CDK2AP1: variants seen among roughly 807,000 people sequenced by gnomAD.
The protein encoded by CDK2AP1 is cyclin dependent kinase 2 associated protein 1, also known as cyclin-dependent kinase 2-associated protein 1.
Under a neutral mutation model 14.1 loss-of-function variants are expected in CDK2AP1, and 10 were observed. The ratio of observed to expected loss-of-function variants is 0.71; its 90% CI spans 0.44 to 1.20. The LOEUF (loss-of-function observed/expected upper bound fraction) is 1.20, where lower values mean the gene tolerates loss of function less well. Among genes scored for constraint, CDK2AP1 ranks in the 50% most tolerant of loss-of-function variants. The probability of loss-of-function intolerance (pLI) is 0.00; values close to 1 mark genes in which losing one functional copy is unlikely to be tolerated. For synonymous variants in CDK2AP1, 59 were observed against 59.8 expected (o/e 0.99, Z 0.06); for missense variants, 102 against 149.9 (o/e 0.68, Z 1.67).
At chr12:123,271,492 C>T (rs1336556657) in intron 1 of CDK2AP1, 72 bp downstream of exon 1, 3 of 897,596 alleles carry the variant, frequency 3.3e-6, no homozygotes, top group Non-Finnish European at 4.0e-6. Flanking sequence ...CCCGGGCATC[C>T]CCGGGCCGGG....
Position 123,271,604 on chromosome 12 carries a change from C to G in CDK2AP1, c.15G>C (p.Pro5=). The G allele has an allele frequency of 9.9e-7, 1 of 1,005,074 alleles. No individual in the cohort carries two copies. The highest frequency in any genetic ancestry group is 1.2e-6 in the Non-Finnish European group (1 of 843,474). 62.3% of individuals were successfully genotyped at this position (1,005,074 alleles called of 1,614,324 possible). MSYK[P]NLAAHMPAAA... ...CGGCGGGCATGTGCGCGGCCAAGTT[C>G]GGTTTGTAAGACATCCCCCCGGGCG... Residue 5 remains proline, a synonymous_variant, in exon 1 of 4, where the codon CCG becomes CCC. Coordinates refer to ENST00000261692, the MANE Select transcript of CDK2AP1 (RefSeq NM_004642.4).
intron 3 of CDK2AP1, 27 bp from the exon 4 acceptor site, chr12:123,261,830 C>T (rs753643338): frequency 6.5e-7 from 1 of 1,528,582 alleles, no homozygotes; most frequent in Non-Finnish European, 9.1e-7. Flanking sequence ...GACCTGAGGT[C>T]AGCAAGTGCA....
chr12:123,271,891 G>A (rs2048357740), upstream of CDK2AP1: 1 of 146,382 alleles, frequency 6.8e-6, no homozygotes. Flanking sequence ...GGCCGGGAGG[G>A]GGCGGCCCGG....
chr12:123,263,249 G>C (rs2048252825), intron 3 of CDK2AP1, among the ~76,000 whole-genome samples: 1 of 151,048 alleles, frequency 6.6e-6, no homozygotes, highest in African/African-American at 2.4e-5. Flanking sequence ...ACTATTCTTG[G>C]CTCCTGGCTC....
At chr12:123,270,170 G>A in intron 1 of CDK2AP1, 1 of 976,724 alleles carries the variant, frequency 1.0e-6, no homozygotes, top group Non-Finnish European at 1.2e-6. Context: ...GCTGCTGGCA[G>A]TCCTACCTGG....
rs1436226579 is a variant in CDK2AP1, at chr12:123,265,764, A to G, written c.154-442T>C. 6.6e-6 allele frequency among the ~76,000 whole-genome samples: 1 copy of G among 152,140 alleles called. No individual in the cohort carries two copies. The highest frequency in any genetic ancestry group is 6.5e-5 in the Admixed American group (1 of 15,274). ...GCAACTTTATTATCTCCAATGAACA[A>G]AACAGGGGAAACAGCTCATTTTGGC... On this transcript the variant is annotated intron_variant, in intron 2 of 3. Coordinates refer to ENST00000261692, the MANE Select transcript of CDK2AP1 (RefSeq NM_004642.4). This position sits in a 1 kb window ranked among gnomAD's most constrained non-coding sequence, Gnocchi z 5.3.
chr12:123,262,356 C>A (rs917475601), intron 3 of CDK2AP1: 2 of 152,106 alleles, frequency 1.3e-5, no homozygotes, highest in African/African-American at 2.4e-5. Context: ...CCTTTTTTTT[C>A]TTTCTGCCTC....
Position 123,265,312 on chromosome 12 carries a change from T to A in CDK2AP1, c.164A>T (p.Asn55Ile), listed in dbSNP as rs2048278601. ...PSLGYTQGTG[N>I]SQVPQSKYAE... The stretch of plus-strand genomic sequence containing the variant: ...GTATTTGCTTTGGGGCACCTGGCTG[T>A]TCCCAGTTCCCTAGAATCAGAAAGA... The change falls in exon 3 of 4, where the codon AAC becomes ATC. Residue 55 changes from asparagine (N) to isoleucine (I), a missense_variant. Physicochemically the swap from Asn to Ile is moderately radical, Grantham distance 149 (BLOSUM62 -3). Transcript: ENST00000261692. The surrounding 1 kb of genome is among the most constrained non-coding windows in gnomAD (Gnocchi z 5.3). 1 of 1,614,090 alleles carries A rather than the reference T, an allele frequency of 6.2e-7. No homozygotes were observed. The highest frequency in any genetic ancestry group is 8.5e-7 in the Non-Finnish European group (1 of 1,180,010).
intron 1 of CDK2AP1, chr12:123,268,146 A>T (rs2069802073): frequency 1.0e-6 from 1 of 968,678 alleles, no homozygotes; most frequent in Non-Finnish European, 1.2e-6. Flanking sequence ...AATGACAAAC[A>T]GCGGTAACCA....
At chr12:123,268,511 G>A (rs891561260) in intron 1 of CDK2AP1, among the ~76,000 whole-genome samples, 7 of 152,292 alleles carry the variant, frequency 4.6e-5, no homozygotes, top group East Asian at 3.9e-4. Context: ...CTCCGAGAAC[G>A]GGGACCGTTC....
At chr12:123,264,229 C>G (rs931335760) in intron 3 of CDK2AP1, among the ~76,000 whole-genome samples, 1 of 152,128 alleles carries the variant, frequency 6.6e-6, no homozygotes, top group Non-Finnish European at 1.5e-5. Context: ...GAGGCCAAGG[C>G]AGGTGGATCA....
intron 3 of CDK2AP1, among the ~76,000 whole-genome samples, chr12:123,263,533 ACC>A (rs2048255566): frequency 6.6e-6 from 1 of 152,094 alleles, no homozygotes; most frequent in African/African-American, 2.4e-5. Context: ...GGTAAGCAGC[ACC>A]CCAGCTACCG....
At chr12:123,266,920 G>C (rs771282569) in intron 2 of CDK2AP1, among the ~76,000 whole-genome samples, 1 of 152,204 alleles carries the variant, frequency 6.6e-6, no homozygotes, top group Non-Finnish European at 1.5e-5. Flanking sequence ...GAACGCGTGG[G>C]GTGGGAGCCT....
At chr12:123,262,965 G>C (rs1251918141) in intron 3 of CDK2AP1, among the ~76,000 whole-genome samples, 1 of 151,718 alleles carries the variant, frequency 6.6e-6, no homozygotes, top group Non-Finnish European at 1.5e-5. Context: ...TGTAATCCCA[G>C]CACTTTCGGA....
chr12:123,261,384 A>G lies in CDK2AP1; in HGVS notation c.*352T>C. 4.5e-6 allele frequency: 1 copy of G among 220,764 alleles called. No homozygotes were observed. Among genetic ancestry groups the G allele is most frequent in the Non-Finnish European group, 9.1e-6 (1 of 109,524 alleles). 13.7% of individuals were successfully genotyped at this position (220,764 alleles called of 1,614,324 possible). On this transcript the variant is annotated 3_prime_UTR_variant, in exon 4 of 4. Transcript: ENST00000261692. The stretch of plus-strand genomic sequence containing the variant: ...GTGGTATTAGCTTATGAAAAGGAAC[A>G]AAGAACACCATGGGTAACAAATGTA...
intron 3 of CDK2AP1, among the ~76,000 whole-genome samples, chr12:123,264,000 C>T (rs1037003741): frequency 2.6e-5 from 4 of 151,902 alleles, no homozygotes; most frequent in South Asian, 2.1e-4. Flanking sequence ...CCCAACTACT[C>T]GGGAGGCTTG....
chr12:123,266,217 G>A (rs1174404371), intron 2 of CDK2AP1, among the ~76,000 whole-genome samples: 3 of 152,176 alleles, frequency 2.0e-5, no homozygotes, highest in Non-Finnish European at 4.4e-5. Context: ...GTCCTGCTCC[G>A]GCTGCTCTGC....
At chr12:123,266,275 G>C (rs1396609367) in intron 2 of CDK2AP1, among the ~76,000 whole-genome samples, 1 of 152,216 alleles carries the variant, frequency 6.6e-6, no homozygotes, top group Non-Finnish European at 1.5e-5. Flanking sequence ...CGCCTGTCCT[G>C]GCGCCGCCGT....
chr12:123,261,686 A>C lies in CDK2AP1; in HGVS notation c.*50T>G, dbSNP rs760945431. The stretch of plus-strand genomic sequence containing the variant: ...CATCTGAACAGGGGAGATGAACTGT[A>C]ACTTCTCATCTTGTAAAAAGATGGA... On this transcript the variant is annotated 3_prime_UTR_variant, in exon 4 of 4. Transcript: ENST00000261692. The C allele has an allele frequency of 1.4e-6, 2 of 1,463,772 alleles. No homozygotes were observed. Among genetic ancestry groups the C allele is most frequent in the Non-Finnish European group, 9.6e-7 (1 of 1,042,530 alleles). 90.7% of individuals were successfully genotyped at this position (1,463,772 alleles called of 1,614,324 possible). A position where few individuals can be genotyped will look rare whatever the true frequency, so the allele number is the denominator to read the frequency against.
Sources: gnomAD v4.1 joint callset for allele counts (sites outside exome capture counted in the v4.1 genomes callset) on GRCh38, gnomAD v4.1.1 for gene constraint, Gnocchi (gnomAD v3.1) non-coding constraint, MANE v1.5 for transcripts, NCBI Gene and HGNC (gene_info 2026-07-23, HGNC 2026-07-21) for gene names.